The following GDPD4 variants were observed in gnomAD, a reference collection of about 807,000 sequenced individuals.
GDPD4 encodes glycerophosphodiester phosphodiesterase domain containing 4.
GDPD4 carries 60 observed loss-of-function variants against 67.8 expected under a neutral mutation model. That is an observed-to-expected ratio of 0.88 (90% confidence interval 0.72 to 1.10). The LOEUF (loss-of-function observed/expected upper bound fraction) is 1.10, where lower values mean the gene tolerates loss of function less well. Ranked by LOEUF, GDPD4 falls within the 50% of genes least tolerant of loss-of-function variation. The pLI, the probability that GDPD4 is intolerant of heterozygous loss-of-function variation, is 0.00. For synonymous variants in GDPD4, 212 were observed against 210.9 expected (o/e 1.00, Z -0.04); for missense variants, 623 against 613.9 (o/e 1.01, Z -0.16).
chr11:77,260,237 C>A (rs1392024403), intron 10 of GDPD4, among the ~76,000 whole-genome samples: 1 of 147,352 alleles, frequency 6.8e-6, no homozygotes, highest in Non-Finnish European at 1.5e-5. Flanking sequence ...ACCTGGGAGG[C>A]GGAGGTTGCA....
chr11:77,286,763 A>G (rs1012917668), intron 2 of GDPD4, among the ~76,000 whole-genome samples: 2 of 152,230 alleles, frequency 1.3e-5, no homozygotes, highest in African/African-American at 4.8e-5. Flanking sequence ...GTTCTTCCTC[A>G]GGGAAAATCA....
chr11:77,228,329 T>G (rs1958382603), intron 15 of GDPD4, among the ~76,000 whole-genome samples: 1 of 151,596 alleles, frequency 6.6e-6, no homozygotes, highest in South Asian at 2.1e-4. Flanking sequence ...AAACCCCACC[T>G]CTACTAAAAA....
chr11:77,288,700 C>T (rs2135891399), intron 1 of GDPD4, among the ~76,000 whole-genome samples: 1 of 152,202 alleles, frequency 6.6e-6, no homozygotes, highest in South Asian at 2.1e-4. Context: ...GAAAAGGCAA[C>T]TGTTACAGCA....
chr11:77,225,070 C>A (rs1435777064), intron 16 of GDPD4, among the ~76,000 whole-genome samples: 1 of 151,888 alleles, frequency 6.6e-6, no homozygotes, highest in Non-Finnish European at 1.5e-5. Flanking sequence ...TGCCACTATA[C>A]TCCAGACTTG....
chr11:77,270,835 C>G (rs990352516), intron 7 of GDPD4: 16 of 303,846 alleles, frequency 5.3e-5, no homozygotes, highest in African/African-American at 3.5e-4. Context: ...GCGTCACCCA[C>G]CATCCATCTT....
intron 16 of GDPD4, among the ~76,000 whole-genome samples, chr11:77,221,401 A>G (rs561957415): frequency 1.3e-5 from 2 of 152,320 alleles, no homozygotes; most frequent in East Asian, 1.9e-4. Flanking sequence ...ACACTGCTTT[A>G]CATGTGTCCC....
intron 10 of GDPD4, among the ~76,000 whole-genome samples, chr11:77,260,736 T>C (rs1408657056): frequency 6.6e-6 from 1 of 151,830 alleles, no homozygotes; most frequent in Non-Finnish European, 1.5e-5. Flanking sequence ...AAACGGAAAT[T>C]TAGAGATAAG....
chr11:77,226,162 T>A (rs1032906854), intron 16 of GDPD4, among the ~76,000 whole-genome samples: 1 of 152,224 alleles, frequency 6.6e-6, no homozygotes, highest in Non-Finnish European at 1.5e-5. Flanking sequence ...TAGGTTTATA[T>A]AGTTCTTCAA....
chr11:77,277,391 C>CTTTTTTTTTTTTTTTT lies in GDPD4; in HGVS notation c.148-1187_148-1172dup, dbSNP rs71043564. Among the ~76,000 whole-genome samples the CTTTTTTTTTTTTTTTT allele has an allele frequency of 9.8e-4, 57 of 58,346 alleles. 18 individuals carry two copies. The highest frequency in any genetic ancestry group is 1.4e-3 in the Non-Finnish European group (46 of 32,394). 38.3% of individuals were successfully genotyped at this position (58,346 alleles called of 152,430 possible). A position where few individuals can be genotyped will look rare whatever the true frequency, so the allele number is the denominator to read the frequency against. ...ACAAACCTCTTTTCAGCCATGTTTC[C>CTTTTTTTTTTTTTTTT]TTTTTTTTTTTTTTTTTTTTTTTTT... is the stretch of plus-strand genomic sequence containing the variant. On this transcript the variant is annotated intron_variant, in intron 4 of 16. Transcript: ENST00000315938.
chr11:77,252,182 C>T (rs1474008452), intron 11 of GDPD4, among the ~76,000 whole-genome samples: 2 of 151,496 alleles, frequency 1.3e-5, no homozygotes, highest in Non-Finnish European at 2.9e-5. Flanking sequence ...CCTGTCTCAG[C>T]CTTCCAAGTA....
intron 13 of GDPD4, among the ~76,000 whole-genome samples, chr11:77,235,692 T>C (rs1188300290): frequency 6.6e-6 from 1 of 152,240 alleles, no homozygotes; most frequent in African/African-American, 2.4e-5. Context: ...TGGCAGCTCA[T>C]GCCTATAATC....
intron 10 of GDPD4, among the ~76,000 whole-genome samples, chr11:77,260,462 A>G (rs1034988410): frequency 2.0e-5 from 3 of 152,142 alleles, no homozygotes; most frequent in African/African-American, 4.8e-5. Flanking sequence ...AAAATGACCA[A>G]CCTTAAAGGA....
intron 1 of GDPD4, among the ~76,000 whole-genome samples, chr11:77,297,003 A>G (rs147500369): frequency 0.057 from 8,628 of 150,060 alleles, 873 homozygotes; most frequent in African/African-American, 0.2. Context: ...GCAGTGAGCC[A>G]AGATCGCGCC....
chr11:77,285,017 G>A, intron 3 of GDPD4, 68 bp downstream of exon 3: 1 of 1,111,912 alleles, frequency 9.0e-7, no homozygotes, highest in Middle Eastern at 2.0e-4. Context: ...TCAGCCTGAG[G>A]TAGAATCCAG....
At chr11:77,277,935 G>A (rs1959568743) in intron 4 of GDPD4, among the ~76,000 whole-genome samples, 1 of 151,790 alleles carries the variant, frequency 6.6e-6, no homozygotes, top group African/African-American at 2.4e-5. Context: ...GGTATGTTGT[G>A]TCTTTGTTCT....
chr11:77,279,814 A>G (rs978755537), intron 3 of GDPD4, among the ~76,000 whole-genome samples: 2 of 147,614 alleles, frequency 1.4e-5, no homozygotes, highest in African/African-American at 2.4e-5. Flanking sequence ...TTGCAATCAC[A>G]GCCACCATAT....
At chr11:77,255,156 A>G (rs936100252) in intron 11 of GDPD4, among the ~76,000 whole-genome samples, 5 of 122,262 alleles carry the variant, frequency 4.1e-5, no homozygotes, top group African/African-American at 8.3e-5. Flanking sequence ...GCTAAAACAG[A>G]GCTATTAATG....
intron 5 of GDPD4, among the ~76,000 whole-genome samples, chr11:77,273,450 C>T (rs1959309936): frequency 6.6e-6 from 1 of 152,178 alleles, no homozygotes; most frequent in African/African-American, 2.4e-5. Context: ...CCTTCAGACT[C>T]TGTGAACTAG....
intron 14 of GDPD4, among the ~76,000 whole-genome samples, chr11:77,231,836 T>C (rs1958461182): frequency 6.6e-6 from 1 of 152,084 alleles, no homozygotes; most frequent in Non-Finnish European, 1.5e-5. Context: ...GACAGGTGGG[T>C]GGAAAGGCTC....
Sources: gnomAD v4.1 joint callset for allele counts (sites outside exome capture counted in the v4.1 genomes callset) on GRCh38, gnomAD v4.1.1 for gene constraint, MANE v1.5 for transcripts, NCBI Gene and HGNC (gene_info 2026-07-23, HGNC 2026-07-21) for gene names.